Variants in COP1 observed in about 807,000 individuals in gnomAD.
The protein encoded by COP1 is COP1 E3 ubiquitin ligase, also known as E3 ubiquitin-protein ligase COP1.
COP1 carries 24 observed loss-of-function variants against 101.3 expected under a neutral mutation model. That is an observed-to-expected ratio of 0.24 (90% CI 0.17 to 0.33). COP1 has a LOEUF of 0.33. Among genes scored for constraint, COP1 ranks in the 10% least tolerant of loss-of-function variants. COP1 has a pLI of 1.00. For synonymous variants in COP1, 347 were observed against 341.9 expected (o/e 1.01, Z -0.17); for missense variants, 663 against 906.2 (o/e 0.73, Z 3.45).
chr1:175,948,780 T>C (rs1187544682), intron 18 of COP1, among the ~76,000 whole-genome samples: 2 of 152,186 alleles, frequency 1.3e-5, no homozygotes, highest in Non-Finnish European at 2.9e-5. Context: ...ATTATAGGTG[T>C]ATCAAGAAGA....
intron 19 of COP1, 111 bp downstream of exon 19, chr1:175,947,084 C>A (rs1210057178): frequency 1.3e-5 from 10 of 762,262 alleles, no homozygotes; most frequent in Non-Finnish European, 1.8e-5. Flanking sequence ...GAGACACAGA[C>A]CCATGATTTG....
rs528445763 is a variant in COP1, at chr1:176,156,152, G to A, written c.762+6717C>T. Among the ~76,000 whole-genome samples, 14 of 152,170 alleles carry A rather than the reference G, an allele frequency of 9.2e-5. No individual in the cohort carries two copies. In the South Asian group the frequency reaches 2.1e-3, roughly 23 times the overall value. ...AACATGGTTTGAACCAAAAAAAGGGGAAGTTTAGTAAACTGAGTTATGTGG... is the reference window on the plus strand; with the variant it reads ...AACATGGTTTGAACCAAAAAAAGGGAAAGTTTAGTAAACTGAGTTATGTGG... On this transcript the variant is annotated intron_variant, in intron 5 of 19. Transcript: ENST00000367669.
At chr1:175,983,297 G>T (rs987104092) in intron 18 of COP1, among the ~76,000 whole-genome samples, 2 of 152,178 alleles carry the variant, frequency 1.3e-5, no homozygotes, top group Non-Finnish European at 2.9e-5. Flanking sequence ...AATGACTCAT[G>T]GGGGCAAGTC....
chr1:176,165,571 TGTA>T (rs1695010680), intron 3 of COP1, among the ~76,000 whole-genome samples: 1 of 152,090 alleles, frequency 6.6e-6, no homozygotes, highest in Non-Finnish European at 1.5e-5. Flanking sequence ...GGCACGTGCC[TGTA>T]GTCTCAGCTA....
intron 18 of COP1, among the ~76,000 whole-genome samples, chr1:175,986,532 T>C (rs1657176689): frequency 1.4e-5 from 2 of 146,250 alleles, no homozygotes. Context: ...CCACTATCCT[T>C]TACCTGTACC....
At chr1:176,048,889 A>AGG (rs1657231478) in intron 11 of COP1, among the ~76,000 whole-genome samples, 1 of 152,200 alleles carries the variant, frequency 6.6e-6, no homozygotes, top group Non-Finnish European at 1.5e-5. Context: ...AAAAGAATTA[A>AGG]GGGCCGGGCG....
intron 9 of COP1, among the ~76,000 whole-genome samples, chr1:176,105,323 C>T (rs78541901): frequency 0.048 from 7,306 of 151,912 alleles, 266 homozygotes; most frequent in Middle Eastern, 0.11. Flanking sequence ...AGTAAATGAA[C>T]CTAACTGTAT....
At chr1:176,174,373 G>A (rs1028063958) in intron 3 of COP1, among the ~76,000 whole-genome samples, 1 of 152,128 alleles carries the variant, frequency 6.6e-6, no homozygotes. Context: ...ATCTAAACTA[G>A]GCCATCAAGT....
intron 6 of COP1, among the ~76,000 whole-genome samples, chr1:176,143,793 T>C (rs993842565): frequency 6.6e-6 from 1 of 152,146 alleles, no homozygotes; most frequent in Non-Finnish European, 1.5e-5. Context: ...AGATGCAAAG[T>C]TGATTGACTC....
chr1:176,092,479 C>T lies in COP1; in HGVS notation c.1027-6589G>A, dbSNP rs189929860. On this transcript the variant is annotated intron_variant, in intron 9 of 19. Coordinates refer to ENST00000367669, the MANE Select transcript of COP1 (RefSeq NM_022457.7). The stretch of plus-strand genomic sequence containing the variant: ...AACTGTAAGAAGATATTTGCAGTAT[C>T]CAAAAACAAATGATTAGTATCCAGA... Among the ~76,000 whole-genome samples the T allele has an allele frequency of 3.0e-3, 455 of 152,014 alleles. 2 individuals are homozygous for T. Among genetic ancestry groups the T allele is most frequent in the African/African-American group, 0.01 (429 of 41,464 alleles).
chr1:176,003,542 G>A (rs1662321531), intron 15 of COP1, among the ~76,000 whole-genome samples: 1 of 151,182 alleles, frequency 6.6e-6, no homozygotes, highest in Non-Finnish European at 1.5e-5. Context: ...GTGTAAGGAA[G>A]GGATCCAGTT....
At chr1:176,160,464 A>G (rs1424004450) in intron 5 of COP1, among the ~76,000 whole-genome samples, 2 of 152,040 alleles carry the variant, frequency 1.3e-5, no homozygotes, top group Admixed American at 6.6e-5. Flanking sequence ...AAAAGAAACT[A>G]TCATCACAGT....
chr1:176,033,983 A>C (rs1012241636), intron 14 of COP1, among the ~76,000 whole-genome samples: 6 of 152,248 alleles, frequency 3.9e-5, no homozygotes, highest in South Asian at 2.1e-4. Context: ...GTAACACTAA[A>C]TAATACTCTT....
chr1:176,127,578 T>TGTGC (rs2149680591), intron 8 of COP1, among the ~76,000 whole-genome samples: 1 of 120,988 alleles, frequency 8.3e-6, no homozygotes, highest in Admixed American at 9.6e-5. Flanking sequence ...TGTGTGTGTG[T>TGTGC]GTGTGTGTGT....
intron 8 of COP1, among the ~76,000 whole-genome samples, chr1:176,127,454 CT>C (rs1167088418): frequency 6.6e-6 from 1 of 152,014 alleles, no homozygotes; most frequent in African/African-American, 2.4e-5. Context: ...CAATATCTGT[CT>C]TTCTGTGCCT....
intron 1 of COP1, among the ~76,000 whole-genome samples, chr1:176,204,853 G>A (rs560978630): frequency 2.6e-5 from 4 of 152,154 alleles, no homozygotes; most frequent in Non-Finnish European, 5.9e-5. Flanking sequence ...GCTTGAACCC[G>A]GGAGGCGGGG....
At chr1:176,133,754 C>A in intron 8 of COP1, 2 of 388,994 alleles carry the variant, frequency 5.1e-6, no homozygotes, top group South Asian at 1.9e-5. Context: ...AAATTTGCTA[C>A]TGTTAAACAG....
At chr1:176,113,029 A>G (rs1685559973) in intron 9 of COP1, among the ~76,000 whole-genome samples, 3 of 152,150 alleles carry the variant, frequency 2.0e-5, no homozygotes. Flanking sequence ...TTAACATGGG[A>G]GTGCAGGTAT....
chr1:176,133,155 T>C (rs1689181703), intron 8 of COP1, among the ~76,000 whole-genome samples: 1 of 139,090 alleles, frequency 7.2e-6, no homozygotes, highest in Non-Finnish European at 1.6e-5. Flanking sequence ...TATACGTACA[T>C]ATATATACGT....
Sources: gnomAD v4.1 joint callset for allele counts (sites outside exome capture counted in the v4.1 genomes callset) on GRCh38, gnomAD v4.1.1 for gene constraint, MANE v1.5 for transcripts, NCBI Gene and HGNC (gene_info 2026-07-23, HGNC 2026-07-21) for gene names.